Variants in TG observed in about 807,000 individuals in gnomAD.
TG encodes the protein thyroglobulin, also known as thyroid hormones.
In TG, 270 loss-of-function variants were observed where a neutral mutation model predicts 324.7. The observed-to-expected ratio is 0.83, with a 90% CI of 0.75 to 0.92. TG has a LOEUF of 0.92. Ranked by LOEUF, TG falls within the 40% of genes least tolerant of loss-of-function variation. The pLI is 0.00. For missense variants in TG, 3,591 were observed against 3,456.4 expected, an observed-to-expected ratio of 1.04 and a Z score of -0.98; for synonymous variants, 1,401 against 1,327.0, an observed-to-expected ratio of 1.06 and a Z score of -1.21.
At chr8:132,925,353 A>G (rs1003332403) in intron 22 of TG, among the ~76,000 whole-genome samples, 1 of 152,220 alleles carries the variant, frequency 6.6e-6, no homozygotes, top group Non-Finnish European at 1.5e-5. Context: ...ATATCCTCAC[A>G]TACACACACA....
At chr8:132,902,544 C>T (rs1344025332) in intron 16 of TG, among the ~76,000 whole-genome samples, 1 of 152,160 alleles carries the variant, frequency 6.6e-6, no homozygotes, top group Admixed American at 6.5e-5. Flanking sequence ...TGTTTTGCTG[C>T]CCTCTGCATG....
intron 41 of TG, among the ~76,000 whole-genome samples, chr8:133,081,929 C>T (rs748664195): frequency 2.6e-5 from 4 of 152,180 alleles, no homozygotes; most frequent in Admixed American, 6.5e-5. Context: ...CCAACAGAAG[C>T]GCAGAGGAGG....
At chr8:133,117,719 T>A (rs762254284) in intron 45 of TG, among the ~76,000 whole-genome samples, 7 of 152,322 alleles carry the variant, frequency 4.6e-5, no homozygotes, top group Middle Eastern at 3.4e-3. Context: ...TGCAAGAGCA[T>A]TATTGTTTTA....
intron 18 of TG, among the ~76,000 whole-genome samples, chr8:132,908,855 G>C (rs1819083947): frequency 6.6e-6 from 1 of 152,182 alleles, no homozygotes; most frequent in Non-Finnish European, 1.5e-5. Context: ...AGGTGCTACT[G>C]AAAGGGACGG....
At chr8:132,933,227 T>G (rs1822991558) in intron 23 of TG, among the ~76,000 whole-genome samples, 1 of 18,706 alleles carries the variant, frequency 5.3e-5, no homozygotes. Flanking sequence ...TGGAGGTGTG[T>G]GTATTTGAAT....
intron 41 of TG, among the ~76,000 whole-genome samples, chr8:133,080,005 T>A (rs1329234084): frequency 2.0e-5 from 3 of 151,940 alleles, no homozygotes; most frequent in Non-Finnish European, 4.4e-5. Context: ...ACCCCTTCAA[T>A]GTGTTAGGCA....
chr8:133,043,002 T>C (rs967736092), intron 41 of TG, among the ~76,000 whole-genome samples: 1 of 152,094 alleles, frequency 6.6e-6, no homozygotes, highest in Non-Finnish European at 1.5e-5. Context: ...CCCATCTGTG[T>C]CTTTAGAGTG....
At chr8:132,898,687 G>C (rs1817484998) in intron 13 of TG, 111 bp from the exon 14 acceptor site, 1 of 844,278 alleles carries the variant, frequency 1.2e-6, no homozygotes, top group African/African-American at 1.7e-5. Context: ...TCTATGAAGA[G>C]CACCTGCATT....
chr8:132,984,343 A>T (rs775577876), intron 35 of TG, among the ~76,000 whole-genome samples: 1 of 152,244 alleles, frequency 6.6e-6, no homozygotes, highest in Non-Finnish European at 1.5e-5. Flanking sequence ...AGTTTCCCTC[A>T]GTCAGTTAAA....
At chr8:132,942,995 G>A (rs995945223) in intron 26 of TG, among the ~76,000 whole-genome samples, 1 of 152,150 alleles carries the variant, frequency 6.6e-6, no homozygotes, top group Non-Finnish European at 1.5e-5. Context: ...GTATCACCTC[G>A]AGGACTGTTG....
At chr8:133,103,441 G>T (rs1439853602) in intron 43 of TG, among the ~76,000 whole-genome samples, 1 of 152,142 alleles carries the variant, frequency 6.6e-6, no homozygotes, top group Non-Finnish European at 1.5e-5. Context: ...ATTCTCCCCA[G>T]GGGCCCTGTG....
intron 43 of TG, among the ~76,000 whole-genome samples, chr8:133,101,670 A>G (rs888793612): frequency 6.6e-6 from 1 of 152,226 alleles, no homozygotes. Context: ...CAGGTGTTTC[A>G]GCATAAAATA....
chr8:132,982,094 C>T (rs528706433), intron 34 of TG, among the ~76,000 whole-genome samples: 25 of 152,246 alleles, frequency 1.6e-4, no homozygotes, highest in Middle Eastern at 3.4e-3. Flanking sequence ...ATGTATTGAA[C>T]GTTTACTATA....
At chr8:132,932,238 G>A (rs914916738) in intron 23 of TG, among the ~76,000 whole-genome samples, 1 of 152,154 alleles carries the variant, frequency 6.6e-6, no homozygotes, top group African/African-American at 2.4e-5. Flanking sequence ...ATGAAAATCA[G>A]GAGATGATGA....
At chr8:132,933,184 G>A (rs1343076081) in intron 23 of TG, among the ~76,000 whole-genome samples, 1 of 129,834 alleles carries the variant, frequency 7.7e-6, no homozygotes, top group Non-Finnish European at 1.7e-5. Context: ...TTTGGGGGGT[G>A]TATTTGGGTG....
At chr8:133,128,947 T>G (rs1289524071) in intron 45 of TG, among the ~76,000 whole-genome samples, 1 of 152,140 alleles carries the variant, frequency 6.6e-6, no homozygotes, top group East Asian at 1.9e-4. Flanking sequence ...GCCACTCAGT[T>G]GAGTCTTTTC....
At position 132,972,839 on chromosome 8, in the gene TG, T is replaced by A. The variant is rs1587640766; in HGVS notation, c.6199+98T>A. The A allele has an allele frequency of 4.1e-6, 6 of 1,476,800 alleles. No homozygotes were observed. In the East Asian group the frequency reaches 1.1e-4, roughly 28 times the overall value. 91.5% of individuals were successfully genotyped at this position (1,476,800 alleles called of 1,614,324 possible). On this transcript the variant is annotated intron_variant, in intron 34 of 47. Transcript: ENST00000220616. Reference sequence around the variant, plus strand: ...ATTCTTGGATTGGTGAGTAGATTAATGAAGACTCATTGGGTTCAAGCAACA... The same window carrying A: ...ATTCTTGGATTGGTGAGTAGATTAAAGAAGACTCATTGGGTTCAAGCAACA...
chr8:133,047,784 T>C (rs777001717), intron 41 of TG: 1 of 1,074,442 alleles, frequency 9.3e-7, no homozygotes, highest in South Asian at 1.2e-5. Context: ...GAGCAAAACA[T>C]GCTTGTCTGC....
chr8:132,888,550 C>A lies in TG; in HGVS notation c.2743C>A (p.Pro915Thr). 3 of 1,611,172 alleles carry A rather than the reference C, an allele frequency of 1.9e-6. No individual in the cohort carries two copies. Among genetic ancestry groups the A allele is most frequent in the Non-Finnish European group, 2.5e-6 (3 of 1,179,388 alleles). The change falls in exon 10 of 48, where the codon CCA (proline) becomes ACA (threonine). Residue 915 changes from proline to threonine, a missense_variant. Transcript: ENST00000220616. ...GQELEGMRSEPSKLPTCPGSC... is the reference protein window; with the variant it reads ...GQELEGMRSETSKLPTCPGSC... ...AGAACTGGAAGGAATGCGGTCTGAG[C>A]CAAGCAAGCTCCCAACATGTGAGCT...
Sources: gnomAD v4.1 joint callset for allele counts (sites outside exome capture counted in the v4.1 genomes callset) on GRCh38, gnomAD v4.1.1 for gene constraint, MANE v1.5 for transcripts, NCBI Gene and HGNC (gene_info 2026-07-23, HGNC 2026-07-21) for gene names.